ARID5B: variants seen among roughly 807,000 people sequenced by gnomAD.
The protein encoded by ARID5B is AT-rich interaction domain 5B.
A neutral mutation model predicts 97.2 loss-of-function variants in ARID5B; 13 were observed. That is an observed-to-expected ratio of 0.13 (90% CI 0.09 to 0.21). ARID5B has a LOEUF of 0.21. Ranked by LOEUF, ARID5B falls within the 10% of genes least tolerant of loss-of-function variation. ARID5B has a pLI of 1.00. For missense variants in ARID5B, 1,210 were observed against 1,465.3 expected (o/e 0.83, Z 2.84); for synonymous variants, 556 against 570.3 (o/e 0.97, Z 0.36).
chr10:61,917,178 A>T (rs930631768), intron 2 of ARID5B, among the ~76,000 whole-genome samples: 5 of 151,860 alleles, frequency 3.3e-5, no homozygotes, highest in Admixed American at 6.5e-5. Flanking sequence ...AAAAAAAAAA[A>T]AATTAATTAA....
At chr10:61,919,121 T>G (rs12573112) in intron 2 of ARID5B, among the ~76,000 whole-genome samples, 68,204 of 143,502 alleles carry the variant, frequency 0.48, 16,091 homozygotes, top group Non-Finnish European at 0.53. Flanking sequence ...GAGATAGGAG[T>G]AGATGGAGTC....
At chr10:61,936,626 A>C (rs1371683482) in intron 2 of ARID5B, among the ~76,000 whole-genome samples, 1 of 152,212 alleles carries the variant, frequency 6.6e-6, no homozygotes, top group East Asian at 1.9e-4. Flanking sequence ...CAAATAAATA[A>C]ATTAATTTAA....
At chr10:61,912,538 T>C (rs1342046898) in intron 2 of ARID5B, among the ~76,000 whole-genome samples, 1 of 152,064 alleles carries the variant, frequency 6.6e-6, no homozygotes, top group African/African-American at 2.4e-5. Flanking sequence ...CTTAAATATA[T>C]ACAACCATCA....
intron 4 of ARID5B, among the ~76,000 whole-genome samples, chr10:62,027,258 A>G (rs552995155): frequency 1.7e-3 from 210 of 123,754 alleles, no homozygotes; most frequent in Non-Finnish European, 3.2e-3. Flanking sequence ...TCTTCACTGT[A>G]GTGATGCATT....
intron 8 of ARID5B, among the ~76,000 whole-genome samples, chr10:62,083,467 A>C (rs1840242379): frequency 6.6e-6 from 1 of 152,114 alleles, no homozygotes; most frequent in Admixed American, 6.5e-5. Flanking sequence ...TTGGGCGTCC[A>C]TGGGGTGTCT....
intron 2 of ARID5B, among the ~76,000 whole-genome samples, chr10:61,911,951 G>T (rs568296418): frequency 6.6e-6 from 1 of 152,190 alleles, no homozygotes; most frequent in South Asian, 2.1e-4. Context: ...GTTTCTAACC[G>T]CCTACCCCAA....
intron 9 of ARID5B, among the ~76,000 whole-genome samples, chr10:62,087,320 G>GAAAAAAAAAAAAAAAAAAAA (rs1589292422): frequency 6.6e-5 from 5 of 76,016 alleles, no homozygotes; most frequent in Admixed American, 5.5e-4. Context: ...AAAAAAAAAG[G>GAAAAAAAAAAAAAAAAAAAA]AAAAAAGATC....
intron 3 of ARID5B, among the ~76,000 whole-genome samples, chr10:61,956,345 T>C (rs534160816): frequency 2.0e-5 from 3 of 152,284 alleles, no homozygotes; most frequent in Admixed American, 1.3e-4. Flanking sequence ...GTGGAACAGT[T>C]TCATCCTGAA....
chr10:61,975,163 T>A (rs1205900123), intron 3 of ARID5B, among the ~76,000 whole-genome samples: 1 of 152,188 alleles, frequency 6.6e-6, no homozygotes, highest in African/African-American at 2.4e-5. Flanking sequence ...GAGCATAGTA[T>A]ATCATGCTTC....
chr10:62,034,983 G>A (rs746892385), intron 4 of ARID5B, among the ~76,000 whole-genome samples: 27 of 152,298 alleles, frequency 1.8e-4, no homozygotes, highest in Admixed American at 8.5e-4. Flanking sequence ...CCAGTAGCCC[G>A]GTGGGCTTGA....
intron 8 of ARID5B, among the ~76,000 whole-genome samples, chr10:62,080,928 T>G (rs10821955): frequency 0.33 from 49,477 of 151,872 alleles, 8,857 homozygotes; most frequent in Non-Finnish European, 0.41. Flanking sequence ...GTTCAAGCAA[T>G]TCTCCTGCCT....
At chr10:62,082,300 C>A (rs1840223705) in intron 8 of ARID5B, among the ~76,000 whole-genome samples, 1 of 151,924 alleles carries the variant, frequency 6.6e-6, no homozygotes, top group South Asian at 2.1e-4. Flanking sequence ...TAATAAAGGC[C>A]CATTTATCTG....
chr10:61,961,410 A>G (rs187025030), intron 3 of ARID5B, among the ~76,000 whole-genome samples: 63 of 152,284 alleles, frequency 4.1e-4, no homozygotes, highest in African/African-American at 1.4e-3. Context: ...AGCCTAACCT[A>G]GGTTATCGAT....
At chr10:61,930,695 G>A (rs1390745926) in intron 2 of ARID5B, among the ~76,000 whole-genome samples, 1 of 144,112 alleles carries the variant, frequency 6.9e-6, no homozygotes, top group East Asian at 2.0e-4. Flanking sequence ...ACTCCAGCCT[G>A]GGCGACAGAG....
intron 4 of ARID5B, among the ~76,000 whole-genome samples, chr10:62,044,204 C>G (rs570305336): frequency 6.6e-6 from 1 of 152,180 alleles, no homozygotes; most frequent in Admixed American, 6.5e-5. Context: ...CTTGGAAACT[C>G]AAAGTCCAGG....
intron 4 of ARID5B, among the ~76,000 whole-genome samples, chr10:62,015,037 A>C (rs916988826): frequency 4.6e-5 from 7 of 152,180 alleles, no homozygotes; most frequent in Non-Finnish European, 8.8e-5. Flanking sequence ...AGAACAACTC[A>C]TTTCCTTAGA....
At position 62,092,939 on chromosome 10, in the gene ARID5B, A is replaced by G. The variant is rs748157002; in HGVS notation, c.3476A>G (p.His1159Arg). 9 of 1,614,194 alleles carry G rather than the reference A, an allele frequency of 5.6e-6. No homozygotes were observed. Among genetic ancestry groups the G allele is most frequent in the South Asian group, 1.1e-5 (1 of 91,084 alleles). ...PVGSSYGDLL[H>R]NSIYPLAAIN... is the part of the protein sequence containing the mutation. ...GGAAGTTCATATGGGGACCTTTTGC[A>G]TAACAGCATTTACCCTTTAGCTGCT... Residue 1159 changes from histidine to arginine, a missense_variant, in exon 10 of 10, where the codon CAT (histidine) becomes CGT (arginine). By Grantham distance (29) the His-to-Arg change is conservative. This residue lies in a region of ARID5B where 54 missense variants were observed against 67.4 expected (regional missense o/e 0.80). Coordinates refer to ENST00000279873, the MANE Select transcript of ARID5B (RefSeq NM_032199.3).
chr10:62,028,220 G>C (rs1027364464), intron 4 of ARID5B, among the ~76,000 whole-genome samples: 3 of 152,238 alleles, frequency 2.0e-5, no homozygotes, highest in Non-Finnish European at 4.4e-5. Flanking sequence ...GGAATGAGAA[G>C]AGTTTCCTTT....
In ARID5B at chr10:62,062,624, C is replaced by T. The variant is rs118001077; in HGVS notation, c.1101+3329C>T. 5.4e-3 allele frequency among the ~76,000 whole-genome samples: 825 copies of T among 152,210 alleles called. 4 individuals carry two copies. Among genetic ancestry groups the T allele is most frequent in the Middle Eastern group, 0.01 (3 of 294 alleles). On this transcript the variant is annotated intron_variant, in intron 7 of 9. Coordinates refer to ENST00000279873, the MANE Select transcript of ARID5B (RefSeq NM_032199.3). ...ACAGGGTAGAATACTCATATTCCTT[C>T]GGCTCAAGAGCAGCAGAGAGTTTCT... is the stretch of plus-strand genomic sequence containing the variant.
Sources: gnomAD v4.1 joint callset for allele counts (sites outside exome capture counted in the v4.1 genomes callset) on GRCh38, gnomAD v4.1.1 for gene constraint, gnomAD v4.1.1 regional missense constraint, MANE v1.5 for transcripts, NCBI Gene and HGNC (gene_info 2026-07-23, HGNC 2026-07-21) for gene names.